Variants in GABRB3 observed in about 807,000 individuals in gnomAD.
GABRB3 encodes the protein gamma-aminobutyric acid type A receptor subunit beta3, also known as gamma-aminobutyric acid receptor subunit beta-3.
Under a neutral mutation model 52.1 loss-of-function variants are expected in GABRB3, and 14 were observed. The observed-to-expected ratio is 0.27, with a 90% CI of 0.18 to 0.42. The LOEUF (loss-of-function observed/expected upper bound fraction) is 0.42. GABRB3 is among the 10% of genes least tolerant of loss of function. The pLI, the probability that GABRB3 is intolerant of heterozygous loss-of-function variation, is 1.00. For synonymous variants in GABRB3, 260 were observed against 232.3 expected (o/e 1.12, Z -1.08); for missense variants, 307 against 609.1 (o/e 0.50, Z 5.22).
chr15:26,576,270 C>CT (rs1477499221), intron 6 of GABRB3, among the ~76,000 whole-genome samples: 4 of 152,184 alleles, frequency 2.6e-5, no homozygotes, highest in Non-Finnish European at 5.9e-5. Context: ...CCTGACTGAG[C>CT]TTTATAGTGC....
chr15:26,607,634 AAAC>A (rs1891887121), intron 4 of GABRB3, among the ~76,000 whole-genome samples: 1 of 152,164 alleles, frequency 6.6e-6, no homozygotes, highest in South Asian at 2.1e-4. Flanking sequence ...CGGGATATAA[AAAC>A]AACTTACAAA....
intron 3 of GABRB3, among the ~76,000 whole-genome samples, chr15:26,712,315 T>C (rs1889325404): frequency 6.6e-6 from 1 of 151,852 alleles, no homozygotes; most frequent in Admixed American, 6.6e-5. Context: ...TGCCTGCCCA[T>C]ATCAGTGGGT....
At position 26,772,316 on chromosome 15, in the gene GABRB3, G is replaced by A. The variant is rs1213626398; in HGVS notation, c.240+86C>T. 8 of 1,205,222 alleles carry A rather than the reference G, an allele frequency of 6.6e-6. No individual in the cohort carries two copies. The East Asian group carries it at 8.1e-5, about 12-fold the overall frequency. 74.7% of individuals were successfully genotyped at this position (1,205,222 alleles called of 1,614,324 possible). A position where few individuals can be genotyped will look rare whatever the true frequency, so the allele number is the denominator to read the frequency against. ...GGGGAAACTCGGCCCCGGCCGAAGA[G>A]GCCTCCGGCCCAGCACTGTGGACGC... On this transcript the variant is annotated intron_variant, in intron 3 of 8. Transcript: ENST00000311550.
chr15:26,695,105 G>C (rs1241787890), intron 3 of GABRB3, among the ~76,000 whole-genome samples: 2 of 152,116 alleles, frequency 1.3e-5, no homozygotes, highest in South Asian at 2.1e-4. Context: ...AATAACAGAA[G>C]AAAGACAGGA....
intron 3 of GABRB3, among the ~76,000 whole-genome samples, chr15:26,680,536 G>C (rs889990800): frequency 1.0e-5 from 1 of 98,532 alleles, no homozygotes; most frequent in African/African-American, 3.4e-5. Context: ...TGACACATGG[G>C]AACACTGTTC....
Position 26,583,297 on chromosome 15 carries a change from T to C in GABRB3, c.544+35A>G, listed in dbSNP as rs879096434. 3.9e-6 allele frequency: 6 copies of C among 1,526,552 alleles called. No homozygotes were observed. In the South Asian group the frequency reaches 5.6e-5, roughly 14 times the overall value. 94.6% of individuals were successfully genotyped at this position (1,526,552 alleles called of 1,614,324 possible). On this transcript the variant is annotated intron_variant, in intron 5 of 8. Coordinates refer to ENST00000311550, the MANE Select transcript of GABRB3 (RefSeq NM_000814.6). ...ATGACAAAAGGATCAAAAGTACAAATAGGAGGAGAAAGAAACACAGATACG... is the reference window on the plus strand; with the variant it reads ...ATGACAAAAGGATCAAAAGTACAAACAGGAGGAGAAAGAAACACAGATACG...
intron 7 of GABRB3, among the ~76,000 whole-genome samples, chr15:26,567,063 T>C (rs1330098228): frequency 6.6e-6 from 1 of 152,238 alleles, no homozygotes; most frequent in Non-Finnish European, 1.5e-5. Context: ...CTATAATACA[T>C]ATTGTACATC....
At chr15:26,732,353 G>C (rs1394605918) in intron 3 of GABRB3, among the ~76,000 whole-genome samples, 2 of 143,554 alleles carry the variant, frequency 1.4e-5, no homozygotes, top group East Asian at 2.2e-4. Flanking sequence ...CAGATGAGTA[G>C]ATAGAGAGAT....
intron 3 of GABRB3, among the ~76,000 whole-genome samples, chr15:26,768,234 G>C (rs3212333): frequency 0.18 from 26,699 of 151,992 alleles, 2,768 homozygotes; most frequent in Admixed American, 0.32. Context: ...CATTAGGATT[G>C]AGTTAATTTT....
chr15:26,561,903 T>C (rs1425067548), intron 7 of GABRB3, among the ~76,000 whole-genome samples: 1 of 152,224 alleles, frequency 6.6e-6, no homozygotes, highest in East Asian at 1.9e-4. Context: ...ATTTCATTCA[T>C]CTTATAGAAT....
At chr15:26,664,346 GA>G (rs1188128846) in intron 3 of GABRB3, among the ~76,000 whole-genome samples, 5 of 152,092 alleles carry the variant, frequency 3.3e-5, no homozygotes, top group African/African-American at 4.8e-5. Context: ...AAACTCATGA[GA>G]GGGGCAGCCT....
chr15:26,773,711 A>G, upstream of GABRB3: 1 of 1,569,796 alleles, frequency 6.4e-7, no homozygotes, highest in Non-Finnish European at 8.6e-7. Flanking sequence ...GAGCTCCAGG[A>G]GCCCGGAGCA....
chr15:26,743,589 T>C (rs1890264778), intron 3 of GABRB3, among the ~76,000 whole-genome samples: 1 of 152,184 alleles, frequency 6.6e-6, no homozygotes, highest in East Asian at 1.9e-4. Context: ...CAATGGACAG[T>C]CTATGCCAGA....
At chr15:26,732,854 C>A (rs1186397132) in intron 3 of GABRB3, among the ~76,000 whole-genome samples, 1 of 151,872 alleles carries the variant, frequency 6.6e-6, no homozygotes, top group Admixed American at 6.6e-5. Context: ...TTTAATTAGC[C>A]GGGAGTGGTG....
At chr15:26,648,124 T>C (rs1282422279) in intron 3 of GABRB3, among the ~76,000 whole-genome samples, 1 of 152,180 alleles carries the variant, frequency 6.6e-6, no homozygotes, top group Non-Finnish European at 1.5e-5. Context: ...TGGAACTCTG[T>C]GCCCATTAAA....
intron 2 of GABRB3, 84 bp downstream of exon 2, chr15:26,772,597 C>A: frequency 1.4e-6 from 2 of 1,431,954 alleles, no homozygotes; most frequent in Non-Finnish European, 1.9e-6. Flanking sequence ...CGCTGCTCCG[C>A]GGATGCGGCC....
At chr15:26,684,616 T>C (rs924362007) in intron 3 of GABRB3, among the ~76,000 whole-genome samples, 2 of 152,174 alleles carry the variant, frequency 1.3e-5, no homozygotes, top group African/African-American at 4.8e-5. Flanking sequence ...CTCCTTGCAC[T>C]TGAACACTTA....
At chr15:26,755,263 C>T (rs1003328213) in intron 3 of GABRB3, among the ~76,000 whole-genome samples, 6 of 152,062 alleles carry the variant, frequency 3.9e-5, no homozygotes, top group Non-Finnish European at 7.3e-5. Context: ...CCTCAGCCTC[C>T]CAAAGTGCTG....
At chr15:26,767,652 C>A (rs1042111667) in intron 3 of GABRB3, among the ~76,000 whole-genome samples, 4 of 152,146 alleles carry the variant, frequency 2.6e-5, no homozygotes, top group Admixed American at 6.5e-5. Flanking sequence ...GGATTCAGCT[C>A]CTCCTGCCTG....
Sources: gnomAD v4.1 joint callset for allele counts (sites outside exome capture counted in the v4.1 genomes callset) on GRCh38, gnomAD v4.1.1 for gene constraint, MANE v1.5 for transcripts, NCBI Gene and HGNC (gene_info 2026-07-23, HGNC 2026-07-21) for gene names.